The following GRM7 variants were observed in gnomAD, a reference collection of about 807,000 sequenced individuals.
GRM7 encodes glutamate metabotropic receptor 7, also known as metabotropic glutamate receptor 7.
In GRM7, 35 loss-of-function variants were observed where a neutral mutation model predicts 84.5. The observed-to-expected ratio is 0.41, with a 90% CI of 0.32 to 0.55. GRM7 has a LOEUF of 0.55. Among genes scored for constraint, GRM7 ranks in the 20% least tolerant of loss-of-function variants. The pLI is 0.19. For missense variants in GRM7, 1,003 were observed against 1,194.6 expected (o/e 0.84, Z 2.36); for synonymous variants, 487 against 455.1 (o/e 1.07, Z -0.89).
At chr3:7,055,962 A>T (rs898374643) in intron 1 of GRM7, among the ~76,000 whole-genome samples, 3 of 151,972 alleles carry the variant, frequency 2.0e-5, no homozygotes, top group Admixed American at 6.6e-5. Flanking sequence ...TGTAGAGGAT[A>T]TGGGGACATG....
chr3:7,419,649 G>A (rs183373725), intron 5 of GRM7, among the ~76,000 whole-genome samples: 2 of 152,196 alleles, frequency 1.3e-5, no homozygotes, highest in East Asian at 3.9e-4. Context: ...GTCATAACTC[G>A]TGACTTACCC....
In GRM7 at chr3:6,933,679, C is replaced by T. The variant is rs148534167; in HGVS notation, c.519+71772C>T. On this transcript the variant is annotated intron_variant, in intron 1 of 9. Transcript: ENST00000357716. ...GAAAGAATAAAGATCAGTTATGTGC[C>T]TAATACTTGTTTTGTAATCAGGCCA... 3.6e-3 allele frequency among the ~76,000 whole-genome samples: 552 copies of T among 151,648 alleles called. 3 individuals carry two copies. The highest frequency in any genetic ancestry group is 0.013 in the African/African-American group (519 of 41,360).
chr3:7,604,711 C>T (rs553106793), intron 8 of GRM7, among the ~76,000 whole-genome samples: 3 of 152,222 alleles, frequency 2.0e-5, no homozygotes, highest in South Asian at 2.1e-4. Flanking sequence ...TTTCCTATTA[C>T]GTTCTGGTAG....
intron 7 of GRM7, among the ~76,000 whole-genome samples, chr3:7,514,001 CTG>C (rs1700295019): frequency 6.6e-6 from 1 of 152,242 alleles, no homozygotes; most frequent in Non-Finnish European, 1.5e-5. Flanking sequence ...TCACTACTAA[CTG>C]TGTGTACCTT....
intron 7 of GRM7, among the ~76,000 whole-genome samples, chr3:7,576,385 T>C (rs954665819): frequency 3.3e-5 from 5 of 152,208 alleles, no homozygotes; most frequent in African/African-American, 1.2e-4. Flanking sequence ...CTGAAGATGC[T>C]TGGATCTCTG....
At position 6,862,178 on chromosome 3, in the gene GRM7, A is replaced by G. The variant is rs1191368470; in HGVS notation, c.519+271A>G. Reference sequence around the variant, plus strand: ...TTACAAGAAGCAATCTGCGAAAAACAAGGCGATGATTTAAATGGGTTTGCA... The same window carrying G: ...TTACAAGAAGCAATCTGCGAAAAACGAGGCGATGATTTAAATGGGTTTGCA... On this transcript the variant is annotated intron_variant, in intron 1 of 9. Coordinates refer to ENST00000357716, the MANE Select transcript of GRM7 (RefSeq NM_000844.4). The surrounding 1 kb of genome is among the most constrained non-coding windows in gnomAD (Gnocchi z 5.2). Among the ~76,000 whole-genome samples, 2 of 152,130 alleles carry G rather than the reference A, an allele frequency of 1.3e-5. No homozygotes were observed. Among genetic ancestry groups the G allele is most frequent in the African/African-American group, 4.8e-5 (2 of 41,426 alleles).
chr3:7,703,325 C>G (rs562015949), intron 9 of GRM7, among the ~76,000 whole-genome samples: 6 of 152,248 alleles, frequency 3.9e-5, no homozygotes, highest in South Asian at 2.1e-4. Context: ...AACAACCCCC[C>G]CAAGTAAGTC....
chr3:6,977,774 A>G (rs1463387456), intron 1 of GRM7, among the ~76,000 whole-genome samples: 1 of 152,188 alleles, frequency 6.6e-6, no homozygotes, highest in African/African-American at 2.4e-5. Context: ...ACATGACTTC[A>G]GTGGGTTAAG....
chr3:7,579,645 A>G (rs979911749), intron 8 of GRM7, among the ~76,000 whole-genome samples: 3 of 152,206 alleles, frequency 2.0e-5, no homozygotes, highest in African/African-American at 7.2e-5. Context: ...TCTATCTAAA[A>G]TAACCCTTCA....
intron 1 of GRM7, among the ~76,000 whole-genome samples, chr3:6,958,045 C>T (rs367984633): frequency 6.6e-6 from 1 of 151,876 alleles, no homozygotes; most frequent in Non-Finnish European, 1.5e-5. Context: ...ACACGGCATA[C>T]ATGTACACAC....
intron 1 of GRM7, among the ~76,000 whole-genome samples, chr3:7,066,966 C>G (rs985251860): frequency 1.3e-5 from 2 of 151,874 alleles, no homozygotes. Context: ...TTGACAGAAT[C>G]TAGCATCACT....
chr3:7,065,989 T>C (rs542415888), intron 1 of GRM7, among the ~76,000 whole-genome samples: 2 of 151,900 alleles, frequency 1.3e-5, no homozygotes, highest in Non-Finnish European at 2.9e-5. Flanking sequence ...ATGACAATAA[T>C]GATACAACCT....
At chr3:7,541,068 C>T (rs1487729384) in intron 7 of GRM7, among the ~76,000 whole-genome samples, 1 of 152,070 alleles carries the variant, frequency 6.6e-6, no homozygotes, top group Non-Finnish European at 1.5e-5. Context: ...TTGGTGATTA[C>T]AGTGATATGG....
At chr3:6,940,021 T>C (rs1279624349) in intron 1 of GRM7, among the ~76,000 whole-genome samples, 1 of 152,166 alleles carries the variant, frequency 6.6e-6, no homozygotes, top group Non-Finnish European at 1.5e-5. Flanking sequence ...AAGAATACAA[T>C]ATAGGGTATT....
intron 9 of GRM7, among the ~76,000 whole-genome samples, chr3:7,692,227 C>G (rs1290917398): frequency 6.6e-6 from 1 of 152,118 alleles, no homozygotes; most frequent in South Asian, 2.1e-4. Flanking sequence ...GCTCATACCA[C>G]CTGATATATG....
intron 2 of GRM7, among the ~76,000 whole-genome samples, chr3:7,225,839 A>G (rs1192478805): frequency 6.6e-6 from 1 of 152,024 alleles, no homozygotes; most frequent in Non-Finnish European, 1.5e-5. Context: ...TAGTGTGCAA[A>G]TGGTACCTGG....
chr3:7,221,908 G>A (rs1395048372), intron 2 of GRM7, among the ~76,000 whole-genome samples: 1 of 148,850 alleles, frequency 6.7e-6, no homozygotes, highest in Non-Finnish European at 1.5e-5. Context: ...CCAGGTTCAA[G>A]CAATTCTCCT....
At chr3:7,246,288 C>G (rs974992481) in intron 2 of GRM7, among the ~76,000 whole-genome samples, 1 of 152,098 alleles carries the variant, frequency 6.6e-6, no homozygotes, top group African/African-American at 2.4e-5. Flanking sequence ...TTGCATCTAC[C>G]TGGGAAGTAC....
chr3:7,735,782 C>T (rs924904179), intron 9 of GRM7, among the ~76,000 whole-genome samples: 6 of 152,090 alleles, frequency 3.9e-5, no homozygotes, highest in Admixed American at 2.6e-4. Context: ...CCTTTATGTG[C>T]CTAGCCTCTG....
Sources: gnomAD v4.1 joint callset for allele counts (sites outside exome capture counted in the v4.1 genomes callset) on GRCh38, gnomAD v4.1.1 for gene constraint, Gnocchi (gnomAD v3.1) non-coding constraint, MANE v1.5 for transcripts, NCBI Gene and HGNC (gene_info 2026-07-23, HGNC 2026-07-21) for gene names.